Variants in CD5 observed in about 807,000 individuals in gnomAD.
CD5 encodes the protein T-cell surface glycoprotein CD5.
CD5 carries 36 observed loss-of-function variants against 60.3 expected under a neutral mutation model. That is an observed-to-expected ratio of 0.60 (90% CI 0.46 to 0.79). The LOEUF (loss-of-function observed/expected upper bound fraction) is 0.79. CD5 is among the 30% of genes least tolerant of loss of function. The pLI, the probability that CD5 is intolerant of heterozygous loss-of-function variation, is 0.00. For missense variants in CD5, 540 were observed against 630.6 expected (o/e 0.86, Z 1.54); for synonymous variants, 230 against 257.6 (o/e 0.89, Z 1.03).
chr11:61,119,402 A>G lies in CD5; in HGVS notation c.632A>G (p.Lys211Arg). Residue 211 changes from lysine (K) to arginine (R), a missense_variant, in exon 5 of 11, where the codon AAG (lysine) becomes AGG (arginine). Coordinates refer to ENST00000347785, the MANE Select transcript of CD5 (RefSeq NM_014207.4). Reference sequence around the variant, plus strand: ...AACCTCCAGTGTGGCTCCTTCTTGAAGCATCTGCCAGAGACTGAGGCAGGC... The same window carrying G: ...AACCTCCAGTGTGGCTCCTTCTTGAGGCATCTGCCAGAGACTGAGGCAGGC... ...CNNLQCGSFL[K>R]HLPETEAGRA... The G allele has an allele frequency of 6.2e-6, 10 of 1,614,190 alleles. No homozygotes were observed. Among genetic ancestry groups the G allele is most frequent in the African/African-American group, 1.3e-5 (1 of 75,064 alleles).
At chr11:61,108,564 G>C (rs767257022) in intron 1 of CD5, among the ~76,000 whole-genome samples, 15 of 152,212 alleles carry the variant, frequency 9.9e-5, no homozygotes, top group Non-Finnish European at 1.6e-4. Flanking sequence ...CAACTCTACA[G>C]ATGACTGTCG....
intron 1 of CD5, among the ~76,000 whole-genome samples, chr11:61,107,430 G>T (rs1394318008): frequency 6.6e-6 from 1 of 152,176 alleles, no homozygotes; most frequent in Non-Finnish European, 1.5e-5. Flanking sequence ...CCCCAGGCCA[G>T]ATGCATTTGG....
At chr11:61,095,348 C>T in the CD5 span, among the ~76,000 whole-genome samples, 2 of 152,144 alleles carry the variant, frequency 1.3e-5, no homozygotes, top group African/African-American at 2.4e-5. Flanking sequence ...TAGATGAGGA[C>T]GGACACATGG....
At chr11:61,120,263 C>T (rs1460566655) in intron 5 of CD5, among the ~76,000 whole-genome samples, 1 of 152,126 alleles carries the variant, frequency 6.6e-6, no homozygotes, top group Non-Finnish European at 1.5e-5. Flanking sequence ...AACGGAGAAA[C>T]TTCGCAGTAC....
At chr11:61,116,213 T>G (rs189190075) in intron 2 of CD5, among the ~76,000 whole-genome samples, 2 of 152,052 alleles carry the variant, frequency 1.3e-5, no homozygotes, top group Admixed American at 1.3e-4. Context: ...TTCATCCAGC[T>G]CAAAAATTTA....
At chr11:61,099,165 G>A (rs1860622220), upstream of CD5, among the ~76,000 whole-genome samples, 1 of 152,166 alleles carries the variant, frequency 6.6e-6, no homozygotes, top group Non-Finnish European at 1.5e-5. Flanking sequence ...AGAGCAACAG[G>A]GACACGGAGC....
At chr11:61,101,166 C>T (rs1358765131), upstream of CD5, among the ~76,000 whole-genome samples, 1 of 104,960 alleles carries the variant, frequency 9.5e-6, no homozygotes, top group African/African-American at 3.3e-5. Context: ...ACATGGAGAT[C>T]ACACACTCAT....
upstream of CD5, among the ~76,000 whole-genome samples, chr11:61,100,652 C>T (rs1860660574): frequency 9.0e-6 from 1 of 110,862 alleles, no homozygotes; most frequent in Non-Finnish European, 1.7e-5. Flanking sequence ...GGAGATTACA[C>T]ACACATCAAC....
rs142046261 is a variant in CD5 at position 61,119,535 on chromosome 11, G to T, written c.765G>T (p.Lys255Asn). The change falls in exon 5 of 11, where the codon AAG becomes AAT. Residue 255 changes from lysine (K) to asparagine (N), a missense_variant. Physicochemically the swap from Lys to Asn is moderately conservative, Grantham distance 94. Transcript: ENST00000347785. ...TSLEHCFRKI[K>N]PQKSGRVLAL... ...TGGAGCATTGCTTCAGGAAAATCAA[G>T]CCCCAGAAAAGTGGCCGAGTTCTTG... The T allele has an allele frequency of 1.3e-4, 213 of 1,613,532 alleles. No homozygotes were observed. In the African/African-American group the frequency reaches 2.5e-3, roughly 19 times the overall value.
At chr11:61,111,269 C>G (rs1357342418) in intron 1 of CD5, among the ~76,000 whole-genome samples, 1 of 152,148 alleles carries the variant, frequency 6.6e-6, no homozygotes, top group Admixed American at 6.5e-5. Context: ...AATTGGGTGG[C>G]TGGGAGCAGA....
At chr11:61,099,531 T>TACA (rs1565180644), upstream of CD5, among the ~76,000 whole-genome samples, 106 of 23,912 alleles carry the variant, frequency 4.4e-3, 2 homozygotes, top group African/African-American at 0.03. Context: ...GGAGATCACA[T>TACA]TCGCACACAT....
chr11:61,112,624 A>G (rs1198189275), intron 1 of CD5, among the ~76,000 whole-genome samples: 1 of 149,796 alleles, frequency 6.7e-6, no homozygotes, highest in Non-Finnish European at 1.5e-5. Flanking sequence ...AGACTGGGCA[A>G]GAGAGGAAGA....
chr11:61,097,796 C>T (rs756707376), upstream of CD5, among the ~76,000 whole-genome samples: 10 of 152,108 alleles, frequency 6.6e-5, no homozygotes, highest in East Asian at 1.9e-4. Context: ...GGGCACAAGA[C>T]GGCTTGTGGG....
intron 1 of CD5, among the ~76,000 whole-genome samples, chr11:61,106,501 G>A (rs950337356): frequency 1.1e-4 from 17 of 152,158 alleles, no homozygotes. Context: ...AAGACCCAGA[G>A]CTCCCCACCT....
chr11:61,119,203 T>A, intron 4 of CD5, 31 bp from the exon 5 acceptor site: 1 of 1,537,208 alleles, frequency 6.5e-7, no homozygotes, highest in Non-Finnish European at 8.8e-7. Context: ...GCGCTCAGGG[T>A]GGCTCCCCCT....
chr11:61,106,412 G>A (rs550216064), intron 1 of CD5, among the ~76,000 whole-genome samples: 1 of 152,266 alleles, frequency 6.6e-6, no homozygotes, highest in African/African-American at 2.4e-5. Flanking sequence ...GGCCTGAGAG[G>A]GTGGGGCTCC....
chr11:61,120,012 G>C (rs971536166), intron 5 of CD5, among the ~76,000 whole-genome samples: 1 of 152,206 alleles, frequency 6.6e-6, no homozygotes, highest in Non-Finnish European at 1.5e-5. Context: ...AATGGTGAGA[G>C]GTGGGAGGTC....
In CD5 at chr11:61,118,460, C is replaced by A. The variant is rs1423400317; in HGVS notation, c.380C>A (p.Ser127Tyr). Residue 127 changes from serine to tyrosine, a missense_variant, in exon 3 of 11, where the codon TCT becomes TAT. By Grantham distance (144) the Ser-to-Tyr change is moderately radical (BLOSUM62 -2). Transcript: ENST00000347785. The surrounding 1 kb of genome is among the most constrained non-coding windows in gnomAD (Gnocchi z 4.7). ...CSHSRNDMCH[S>Y]LGLTCLEPQK... ...CACAGCAGAAATGACATGTGTCACT[C>A]TCTGGGCCTGACCTGCTTAGGTGGG... 6.2e-7 allele frequency: 1 copy of A among 1,614,174 alleles called. No homozygotes were observed. Among genetic ancestry groups the A allele is most frequent in the Non-Finnish European group, 8.5e-7 (1 of 1,179,998 alleles).
Position 61,121,773 on chromosome 11 carries a change from G to A in CD5, c.968G>A (p.Ser323Asn). 1 of 1,612,448 alleles carries A rather than the reference G, an allele frequency of 6.2e-7. No individual in the cohort carries two copies. The highest frequency in any genetic ancestry group is 8.5e-7 in the Non-Finnish European group (1 of 1,178,828). Reference protein sequence around the residue: ...EEVCREQQCGSVNSYRVLDAG... With the variant: ...EEVCREQQCGNVNSYRVLDAG... The stretch of plus-strand genomic sequence containing the variant: ...GTGTGCCGGGAGCAGCAGTGTGGCA[G>A]CGTCAACTCCTATCGAGTGCTGGAC... The change falls in exon 6 of 11, where the codon AGC (serine) becomes AAC (asparagine). Residue 323 changes from serine (S) to asparagine (N), a missense_variant. By Grantham distance (46) the Ser-to-Asn change is conservative (BLOSUM62 1). Coordinates refer to ENST00000347785, the MANE Select transcript of CD5 (RefSeq NM_014207.4).
Sources: allele counts gnomAD v4.1 joint callset (sites outside exome capture counted in the v4.1 genomes callset), GRCh38; gene constraint gnomAD v4.1.1; non-coding constraint Gnocchi (gnomAD v3.1); transcripts MANE v1.5; gene names NCBI Gene and HGNC (gene_info 2026-07-23, HGNC 2026-07-21).